FHOD3: variants seen among roughly 807,000 people sequenced by gnomAD.
The protein encoded by FHOD3 is formin homology 2 domain containing 3.
FHOD3 carries 90 observed loss-of-function variants against 173.0 expected under a neutral mutation model. That is an observed-to-expected ratio of 0.52 (90% confidence interval 0.44 to 0.62). The LOEUF (loss-of-function observed/expected upper bound fraction) is 0.62, where lower values mean the gene tolerates loss of function less well. FHOD3 is among the 20% of genes least tolerant of loss of function. FHOD3 has a pLI of 0.00. For synonymous variants in FHOD3, 828 were observed against 823.0 expected (o/e 1.01, Z -0.10); for missense variants, 1,945 against 2,034.7 (o/e 0.96, Z 0.85).
rs2040858820 is a variant in FHOD3, at chr18:36,722,835, C to A, written c.3417+4120C>A. Among the ~76,000 whole-genome samples, 3 of 152,158 alleles carry A rather than the reference C, an allele frequency of 2.0e-5. No homozygotes were observed. The South Asian group carries it at 6.2e-4, about 32-fold the overall frequency. ...CGCTGAAGGAGCACTGTGTTCCCCA[C>A]CACCACTCTCCACATTGACACCCCC... is the stretch of plus-strand genomic sequence containing the variant. On this transcript the variant is annotated intron_variant, in intron 19 of 28. Transcript: ENST00000590592.
intron 1 of FHOD3, among the ~76,000 whole-genome samples, chr18:36,346,693 C>T (rs752061481): frequency 9.2e-5 from 14 of 152,152 alleles, no homozygotes; most frequent in East Asian, 1.9e-4. Flanking sequence ...CTGATCCTGG[C>T]GGTGGCTTCT....
At chr18:36,495,498 G>T (rs2054698223) in intron 3 of FHOD3, among the ~76,000 whole-genome samples, 1 of 152,190 alleles carries the variant, frequency 6.6e-6, no homozygotes, top group African/African-American at 2.4e-5. Flanking sequence ...TTCGCATATA[G>T]GTGAAGCCTC....
intron 3 of FHOD3, among the ~76,000 whole-genome samples, chr18:36,424,635 T>C (rs2050150647): frequency 6.6e-6 from 1 of 152,250 alleles, no homozygotes; most frequent in Non-Finnish European, 1.5e-5. Flanking sequence ...TCTAACTATA[T>C]TCTGTTGTAA....
In FHOD3 at chr18:36,298,012, C is replaced by A. The variant is rs765124539; in HGVS notation, c.165+12C>A. 24 of 1,525,332 alleles carry A rather than the reference C, an allele frequency of 1.6e-5. No homozygotes were observed. Among genetic ancestry groups the A allele is most frequent in the South Asian group, 2.5e-5 (2 of 80,594 alleles). The allele number at this position is 1,525,332 out of a possible 1,614,324, so 94.5% of individuals were successfully genotyped here. A position where few individuals can be genotyped will look rare whatever the true frequency, so the allele number is the denominator to read the frequency against. ...AGGCGCCGCACAAGGTACGACCCGG[C>A]GGGGTGGGCTGGGCCCCCTGGACTC... On this transcript the variant is annotated intron_variant, in intron 1 of 28. Coordinates refer to ENST00000590592, the MANE Select transcript of FHOD3 (RefSeq NM_001281740.3).
chr18:36,629,300 T>G (rs985520287), intron 10 of FHOD3, among the ~76,000 whole-genome samples: 11 of 152,258 alleles, frequency 7.2e-5, no homozygotes, highest in Non-Finnish European at 1.6e-4. Flanking sequence ...GGTACTGGCA[T>G]GAGCATGGCT....
Position 36,539,585 on chromosome 18 carries a change from CAG to C in FHOD3, c.511+27043_511+27044del, listed in dbSNP as rs573826638. Among the ~76,000 whole-genome samples the C allele has an allele frequency of 5.3e-5, 8 of 152,280 alleles. No homozygotes were observed. The East Asian group carries it at 1.5e-3, about 29-fold the overall frequency. The stretch of plus-strand genomic sequence containing the variant: ...CACTGCAGTGGCAAAAATGGGGACT[CAG>C]TGGCACCTTTCAATGGCAGACCCAG... On this transcript the variant is annotated intron_variant, in intron 5 of 28. Transcript: ENST00000590592.
At chr18:36,322,374 G>GA (rs1257677693) in intron 1 of FHOD3, among the ~76,000 whole-genome samples, 1 of 152,132 alleles carries the variant, frequency 6.6e-6, no homozygotes, top group Non-Finnish European at 1.5e-5. Context: ...CATTCTTGGG[G>GA]ATCTCCAGAA....
intron 10 of FHOD3, among the ~76,000 whole-genome samples, chr18:36,647,881 G>A (rs2035797031): frequency 6.6e-6 from 1 of 152,226 alleles, no homozygotes; most frequent in Non-Finnish European, 1.5e-5. Context: ...TTTGATGTGG[G>A]GTGGGAGAGG....
Position 36,395,476 on chromosome 18 carries a change from T to C in FHOD3, c.337+22732T>C, listed in dbSNP as rs2048512841. Among the ~76,000 whole-genome samples, 3 of 152,344 alleles carry C rather than the reference T, an allele frequency of 2.0e-5. No individual in the cohort carries two copies. The South Asian group carries it at 6.2e-4, about 32-fold the overall frequency. On this transcript the variant is annotated intron_variant, in intron 3 of 28. Transcript: ENST00000590592. Reference sequence around the variant, plus strand: ...TTGATATCTTTCTAGTCATTTTGTGTGTCTGAAACTCATTCTCGAGTTGGG... The same window carrying C: ...TTGATATCTTTCTAGTCATTTTGTGCGTCTGAAACTCATTCTCGAGTTGGG...
intron 10 of FHOD3, among the ~76,000 whole-genome samples, chr18:36,634,150 C>G (rs138690104): frequency 1.8e-3 from 279 of 152,254 alleles, no homozygotes; most frequent in African/African-American, 6.6e-3. Flanking sequence ...AGTGGCCCAG[C>G]AGGTGGTAGG....
At position 36,693,428 on chromosome 18, in the gene FHOD3, G is replaced by T. The variant is rs753218879; in HGVS notation, c.2236+5G>T. On this transcript the variant is annotated splice_donor_5th_base_variant and intron_variant, in intron 17 of 28. Transcript: ENST00000590592. ...GAACCCCTCACCATCCCCAAGGTGA[G>T]TACAGGGAGAGTAGAGGGAAAATGA... 1.2e-6 allele frequency: 2 copies of T among 1,612,236 alleles called. No individual in the cohort carries two copies. Among genetic ancestry groups the T allele is most frequent in the African/African-American group, 2.7e-5 (2 of 74,840 alleles).
chr18:36,318,082 T>C (rs529852552), intron 1 of FHOD3, among the ~76,000 whole-genome samples: 18 of 152,346 alleles, frequency 1.2e-4, no homozygotes, highest in African/African-American at 4.3e-4. Context: ...CATTGGTCTA[T>C]GTATCTGTTT....
intron 3 of FHOD3, among the ~76,000 whole-genome samples, chr18:36,435,985 G>A (rs2050789510): frequency 6.6e-6 from 1 of 152,128 alleles, no homozygotes; most frequent in African/African-American, 2.4e-5. Context: ...ATGCAAATCA[G>A]TGCACTCCTT....
At chr18:36,693,067 C>T in intron 16 of FHOD3, 142 bp from the exon 17 acceptor site, 1 of 784,504 alleles carries the variant, frequency 1.3e-6, no homozygotes, top group Non-Finnish European at 2.0e-6. Flanking sequence ...GTGTTTTTGG[C>T]AGGCTGACTC....
chr18:36,649,166 A>C, intron 10 of FHOD3, 150 bp from the exon 11 acceptor site: 1 of 590,026 alleles, frequency 1.7e-6, no homozygotes, highest in Non-Finnish European at 2.9e-6. Context: ...TCTTCATTTC[A>C]GCCAGCTGGG....
intron 8 of FHOD3, among the ~76,000 whole-genome samples, chr18:36,610,583 A>G: frequency 6.6e-6 from 1 of 152,162 alleles, no homozygotes; most frequent in East Asian, 1.9e-4. Context: ...ATTAGTTTTC[A>G]TTAGTTTCTG....
intron 5 of FHOD3, among the ~76,000 whole-genome samples, chr18:36,562,050 T>A (rs2058105644): frequency 6.6e-6 from 1 of 150,750 alleles, no homozygotes; most frequent in South Asian, 2.1e-4. Flanking sequence ...GGAGTCTCAC[T>A]CTGTTACCCA....
intron 10 of FHOD3, among the ~76,000 whole-genome samples, chr18:36,635,582 C>T (rs2034824401): frequency 6.6e-6 from 1 of 152,096 alleles, no homozygotes. Context: ...ATGCAGGAGG[C>T]TGTGGTTTGT....
intron 14 of FHOD3, among the ~76,000 whole-genome samples, chr18:36,667,191 G>T (rs2037237615): frequency 1.3e-5 from 2 of 152,146 alleles, no homozygotes; most frequent in Non-Finnish European, 2.9e-5. Flanking sequence ...ATGTACATGT[G>T]CTTTCATTTC....
Sources: allele counts gnomAD v4.1 joint callset (sites outside exome capture counted in the v4.1 genomes callset), GRCh38; gene constraint gnomAD v4.1.1; transcripts MANE v1.5; gene names NCBI Gene and HGNC (gene_info 2026-07-23, HGNC 2026-07-21).